Variants in KCNIP4 observed in about 807,000 individuals in gnomAD.
The protein encoded by KCNIP4 is potassium voltage-gated channel interacting protein 4.
A neutral mutation model predicts 34.0 loss-of-function variants in KCNIP4; 12 were observed. That is an observed-to-expected ratio of 0.35 (90% CI 0.23 to 0.57). The LOEUF (loss-of-function observed/expected upper bound fraction) is 0.57. Among genes scored for constraint, KCNIP4 ranks in the 20% least tolerant of loss-of-function variants. The pLI is 0.83. For synonymous variants in KCNIP4, 124 were observed against 102.2 expected, an observed-to-expected ratio of 1.21 and a Z score of -1.29; for missense variants, 238 against 311.7, an observed-to-expected ratio of 0.76 and a Z score of 1.78.
chr4:21,179,076 C>A (rs1008827891), intron 1 of KCNIP4, among the ~76,000 whole-genome samples: 1 of 152,174 alleles, frequency 6.6e-6, no homozygotes, highest in African/African-American at 2.4e-5. Flanking sequence ...CTTGGCCTCC[C>A]AAAGTGCTGT....
chr4:21,055,332 G>T (rs1233280188), intron 1 of KCNIP4, among the ~76,000 whole-genome samples: 1 of 152,048 alleles, frequency 6.6e-6, no homozygotes, highest in Admixed American at 6.6e-5. Context: ...AAGGCAAAAT[G>T]GTACAACCAG....
intron 5 of KCNIP4, among the ~76,000 whole-genome samples, chr4:20,748,975 T>C (rs1436806257): frequency 6.6e-6 from 1 of 151,314 alleles, no homozygotes; most frequent in East Asian, 1.9e-4. Context: ...TAGGTGTTTA[T>C]ACACAGTAGT....
At chr4:20,873,752 T>G (rs1012429986) in intron 2 of KCNIP4, among the ~76,000 whole-genome samples, 2 of 152,218 alleles carry the variant, frequency 1.3e-5, no homozygotes, top group Non-Finnish European at 2.9e-5. Context: ...AAAACCTAAC[T>G]TAAAATCCCC....
At chr4:21,667,918 G>T (rs1204708126) in intron 1 of KCNIP4, among the ~76,000 whole-genome samples, 2 of 152,186 alleles carry the variant, frequency 1.3e-5, no homozygotes, top group Non-Finnish European at 2.9e-5. Context: ...CTTCTAGTTT[G>T]TGTGTACCTT....
chr4:20,761,724 T>C (rs1199978952), intron 3 of KCNIP4, among the ~76,000 whole-genome samples: 2 of 152,202 alleles, frequency 1.3e-5, no homozygotes, highest in African/African-American at 4.8e-5. Context: ...ATAGATATAA[T>C]GTGAAATGAA....
intron 1 of KCNIP4, among the ~76,000 whole-genome samples, chr4:21,025,102 T>C (rs1053916441): frequency 6.6e-5 from 10 of 152,200 alleles, no homozygotes; most frequent in Non-Finnish European, 1.5e-4. Context: ...ATATCAATAA[T>C]TTCCCAAGGC....
chr4:21,181,598 G>A (rs1754850224), intron 1 of KCNIP4, among the ~76,000 whole-genome samples: 1 of 152,092 alleles, frequency 6.6e-6, no homozygotes, highest in African/African-American at 2.4e-5. Flanking sequence ...GAGCTGTGAA[G>A]CTTCTCCATT....
intron 1 of KCNIP4, among the ~76,000 whole-genome samples, chr4:21,408,563 C>T (rs1724208359): frequency 6.6e-6 from 1 of 152,146 alleles, no homozygotes; most frequent in Non-Finnish European, 1.5e-5. Context: ...TGCTGTGTTT[C>T]ATTGCAAAGT....
intron 1 of KCNIP4, among the ~76,000 whole-genome samples, chr4:21,928,419 A>G (rs1350038422): frequency 1.3e-5 from 2 of 152,168 alleles, no homozygotes; most frequent in African/African-American, 4.8e-5. Flanking sequence ...CATATCTTTA[A>G]TAAGAGCACA....
intron 3 of KCNIP4, among the ~76,000 whole-genome samples, chr4:20,803,871 G>A (rs1714735454): frequency 6.6e-6 from 1 of 152,074 alleles, no homozygotes; most frequent in South Asian, 2.1e-4. Context: ...AGAAAAAGGA[G>A]GAAATTCTAG....
chr4:21,146,392 G>A (rs78759442), intron 1 of KCNIP4, among the ~76,000 whole-genome samples: 12,477 of 140,484 alleles, frequency 0.089, 631 homozygotes, highest in East Asian at 0.2. Flanking sequence ...AGCGAGACTC[G>A]TCTCAAAAAA....
At position 20,967,284 on chromosome 4, in the gene KCNIP4, C is replaced by T. The variant is rs565317054; in HGVS notation, c.62-84575G>A. Among the ~76,000 whole-genome samples, 31 of 152,130 alleles carry T rather than the reference C, an allele frequency of 2.0e-4. No individual in the cohort carries two copies. In the South Asian group the frequency reaches 6.0e-3, roughly 30 times the overall value. On this transcript the variant is annotated intron_variant, in intron 1 of 8. Coordinates refer to ENST00000382152, the MANE Select transcript of KCNIP4 (RefSeq NM_025221.6). ...CTTATGAAAGATATTACTCTCTCGA[C>T]ACAAGAAATGGAAGAACATTCCATG...
chr4:21,678,226 CA>C (rs1750062311), intron 1 of KCNIP4, among the ~76,000 whole-genome samples: 1 of 151,496 alleles, frequency 6.6e-6, no homozygotes, highest in East Asian at 1.9e-4. Context: ...TGAGCATGGC[CA>C]TGTTTCATGC....
intron 1 of KCNIP4, among the ~76,000 whole-genome samples, chr4:21,317,241 C>T (rs1248885942): frequency 6.6e-6 from 1 of 152,110 alleles, no homozygotes; most frequent in Non-Finnish European, 1.5e-5. Flanking sequence ...CAACTATCCC[C>T]TTTTCATATT....
intron 1 of KCNIP4, among the ~76,000 whole-genome samples, chr4:20,926,647 T>C (rs1262335304): frequency 6.6e-6 from 1 of 152,204 alleles, no homozygotes; most frequent in African/African-American, 2.4e-5. Flanking sequence ...AAGTCATTCA[T>C]CCTGTAAGTT....
At chr4:20,825,806 G>C (rs1049262083) in intron 3 of KCNIP4, among the ~76,000 whole-genome samples, 1 of 152,142 alleles carries the variant, frequency 6.6e-6, no homozygotes, top group African/African-American at 2.4e-5. Context: ...AGGAACAGAA[G>C]TGCGTAAAGA....
intron 1 of KCNIP4, among the ~76,000 whole-genome samples, chr4:21,042,191 G>A (rs1311662474): frequency 6.6e-6 from 1 of 152,036 alleles, no homozygotes; most frequent in Non-Finnish European, 1.5e-5. Context: ...CTAGTACTGG[G>A]TATATATCCA....
At chr4:21,135,142 A>C (rs1237128793) in intron 1 of KCNIP4, among the ~76,000 whole-genome samples, 1 of 152,238 alleles carries the variant, frequency 6.6e-6, no homozygotes, top group Non-Finnish European at 1.5e-5. Flanking sequence ...ATTTTAGAAA[A>C]GATGGTCAGG....
At chr4:21,041,455 A>T (rs1426778602) in intron 1 of KCNIP4, among the ~76,000 whole-genome samples, 1 of 152,228 alleles carries the variant, frequency 6.6e-6, no homozygotes, top group African/African-American at 2.4e-5. Context: ...ATTTCAAAAA[A>T]GTAGCCACGT....
Sources: gnomAD v4.1 joint callset for allele counts (sites outside exome capture counted in the v4.1 genomes callset) on GRCh38, gnomAD v4.1.1 for gene constraint, MANE v1.5 for transcripts, NCBI Gene and HGNC (gene_info 2026-07-23, HGNC 2026-07-21) for gene names.